CD58: variants seen among roughly 807,000 people sequenced by gnomAD.
The protein encoded by CD58 is lymphocyte function-associated antigen 3.
Under a neutral mutation model 27.6 loss-of-function variants are expected in CD58, and 14 were observed. The ratio of observed to expected loss-of-function variants is 0.51; its 90% CI spans 0.34 to 0.79. The LOEUF is 0.79. CD58 is among the 30% of genes least tolerant of loss of function. The pLI is 0.02. For synonymous variants in CD58, 117 were observed against 103.8 expected (o/e 1.13, Z -0.77); for missense variants, 268 against 301.7 (o/e 0.89, Z 0.83).
In CD58 at chr1:116,522,806, G is replaced by A. The variant is rs928560529; in HGVS notation, c.629-823C>T. Among the ~76,000 whole-genome samples, 1 of 152,128 alleles carries A rather than the reference G, an allele frequency of 6.6e-6. No homozygotes were observed. The highest frequency in any genetic ancestry group is 1.5e-5 in the Non-Finnish European group (1 of 68,014). ...GCAGAACTTGGCATTGTGTTTGGTA[G>A]GGCAATTCTGGCAGTTGTATATAAT... On this transcript the variant is annotated intron_variant, in intron 3 of 5. Transcript: ENST00000369489. The surrounding 1 kb of genome is among the most constrained non-coding windows in gnomAD (Gnocchi z 4.6).
chr1:116,554,655 G>C (rs1416550299), intron 1 of CD58, among the ~76,000 whole-genome samples: 1 of 152,046 alleles, frequency 6.6e-6, no homozygotes, highest in African/African-American at 2.4e-5. Flanking sequence ...AGTAACCACG[G>C]TTACTTTAGA....
In CD58 at chr1:116,516,043, TTTTAA is replaced by T. The variant is rs1343016460; in HGVS notation, c.744-1226_744-1222del. ...CCACCATATACAGAACCTTTTAACA[TTTTAA>T]TTTAACTTAATTTTTTTGATGCCCA... On this transcript the variant is annotated intron_variant, in intron 5 of 5. Coordinates refer to ENST00000369489, the MANE Select transcript of CD58 (RefSeq NM_001779.3). This position sits in a 1 kb window ranked among gnomAD's most constrained non-coding sequence, Gnocchi z 6.1. Among the ~76,000 whole-genome samples the T allele has an allele frequency of 4.6e-5, 7 of 152,206 alleles. No individual in the cohort carries two copies. The highest frequency in any genetic ancestry group is 1.7e-4 in the African/African-American group (7 of 41,450).
At position 116,570,863 on chromosome 1, in the gene CD58, C is replaced by A; in HGVS notation, c.70+40G>T. The stretch of plus-strand genomic sequence containing the variant: ...CCCAGCCTGGGTGCTGCCCAGTACC[C>A]GCCGGCCGGCGCGGGGCCCCTGGGG... On this transcript the variant is annotated intron_variant, in intron 1 of 5. Transcript: ENST00000369489. This position sits in a 1 kb window ranked among gnomAD's most constrained non-coding sequence, Gnocchi z 6.4. 6.6e-7 allele frequency: 1 copy of A among 1,509,914 alleles called. No individual in the cohort carries two copies. Among genetic ancestry groups the A allele is most frequent in the South Asian group, 1.2e-5 (1 of 82,454 alleles). The allele number at this position is 1,509,914 out of a possible 1,614,324, so 93.5% of individuals were successfully genotyped here. A position where few individuals can be genotyped will look rare whatever the true frequency, so the allele number is the denominator to read the frequency against.
At position 116,523,937 on chromosome 1, in the gene CD58, C is replaced by T. The variant is rs1046220202; in HGVS notation, c.629-1954G>A. The stretch of plus-strand genomic sequence containing the variant: ...TGAGTTTTTAAATTTGTTTTTAGTA[C>T]ATTATGAACGCATGAACTGAGCACA... On this transcript the variant is annotated intron_variant, in intron 3 of 5. Transcript: ENST00000369489. The surrounding 1 kb of genome is among the most constrained non-coding windows in gnomAD (Gnocchi z 4.4). Among the ~76,000 whole-genome samples, 1 of 152,158 alleles carries T rather than the reference C, an allele frequency of 6.6e-6. No individual in the cohort carries two copies. The highest frequency in any genetic ancestry group is 2.4e-5 in the African/African-American group (1 of 41,442).
intron 2 of CD58, among the ~76,000 whole-genome samples, chr1:116,542,340 C>G (rs1658018170): frequency 6.6e-6 from 1 of 152,112 alleles, no homozygotes; most frequent in South Asian, 2.1e-4. Context: ...GAAGACAGTA[C>G]TTGGAGGAGG....
chr1:116,564,076 C>A (rs1003653965), intron 1 of CD58, among the ~76,000 whole-genome samples: 1 of 152,222 alleles, frequency 6.6e-6, no homozygotes, highest in Non-Finnish European at 1.5e-5. Flanking sequence ...TAACAGCAAC[C>A]AAGCCACCTC....
In CD58 at chr1:116,541,205, G is replaced by T. The variant is rs551937696; in HGVS notation, c.364+3106C>A. ...TAGTTTTACAAACTCTATAAAAAGG[G>T]CTCTTAAAATGTGTGATCTAAATTC... On this transcript the variant is annotated intron_variant, in intron 2 of 5. Coordinates refer to ENST00000369489, the MANE Select transcript of CD58 (RefSeq NM_001779.3). This position sits in a 1 kb window ranked among gnomAD's most constrained non-coding sequence, Gnocchi z 5.3. 2.0e-5 allele frequency among the ~76,000 whole-genome samples: 3 copies of T among 152,152 alleles called. No individual in the cohort carries two copies. The highest frequency in any genetic ancestry group is 2.9e-5 in the Non-Finnish European group (2 of 68,016).
rs35768283 is a variant in CD58, at chr1:116,536,107, A to G, written c.486T>C (p.Pro162=). The G allele has an allele frequency of 0.027, 43,597 of 1,613,710 alleles. 1,731 individuals carry two copies. The highest frequency in any genetic ancestry group is 0.19 in the African/African-American group (14,333 of 74,904). Residue 162 remains proline (P), a synonymous_variant, in exon 3 of 6, where the codon CCT becomes CCC. Coordinates refer to ENST00000369489, the MANE Select transcript of CD58 (RefSeq NM_001779.3). This position sits in a 1 kb window ranked among gnomAD's most constrained non-coding sequence, Gnocchi z 5.4. ...TTGAGTTACGTTTACATTGCTCCAT[A>G]GGACAATCCCATGAGTACATTATAA... ...RGLIMYSWDC[P]MEQCKRNSTS...
At chr1:116,560,709 C>A (rs1483970528) in intron 1 of CD58, among the ~76,000 whole-genome samples, 1 of 152,146 alleles carries the variant, frequency 6.6e-6, no homozygotes, top group African/African-American at 2.4e-5. Context: ...TTCACTAGAA[C>A]CTATAAAGTA....
Position 116,528,402 on chromosome 1 carries a change from G to T in CD58, c.629-6419C>A, listed in dbSNP as rs991034504. ...GTTTTTTTGAGGCTCTACCTTCAGT[G>T]ACTTACTCCCTGCAGGTAACATAAT... On this transcript the variant is annotated intron_variant, in intron 3 of 5. Transcript: ENST00000369489. This position sits in a 1 kb window ranked among gnomAD's most constrained non-coding sequence, Gnocchi z 4.4. Among the ~76,000 whole-genome samples, 11 of 152,028 alleles carry T rather than the reference G, an allele frequency of 7.2e-5. No homozygotes were observed. Among genetic ancestry groups the T allele is most frequent in the African/African-American group, 2.7e-4 (11 of 41,406 alleles).
At chr1:116,543,056 T>A (rs747652499) in intron 2 of CD58, among the ~76,000 whole-genome samples, 2 of 152,050 alleles carry the variant, frequency 1.3e-5, no homozygotes, top group Non-Finnish European at 2.9e-5. Flanking sequence ...CAGGACTTTG[T>A]AGGGTGGTGT....
At position 116,559,823 on chromosome 1, in the gene CD58, AT is replaced by A. The variant is rs764793382; in HGVS notation, c.70+11079del. On this transcript the variant is annotated intron_variant, in intron 1 of 5. Coordinates refer to ENST00000369489, the MANE Select transcript of CD58 (RefSeq NM_001779.3). The surrounding 1 kb of genome is among the most constrained non-coding windows in gnomAD (Gnocchi z 4.4). The stretch of plus-strand genomic sequence containing the variant: ...TAATTCTTGTTCTTGCACTTAACCT[AT>A]TTCTTCTTTCTCAAGATGTTTCCCT... 3.4e-4 allele frequency among the ~76,000 whole-genome samples: 52 copies of A among 152,238 alleles called. No individual in the cohort carries two copies. The South Asian group carries it at 4.8e-3, about 14-fold the overall frequency.
chr1:116,526,520 GCT>G (rs1657440005), intron 3 of CD58, among the ~76,000 whole-genome samples: 3 of 152,092 alleles, frequency 2.0e-5, no homozygotes, highest in Non-Finnish European at 4.4e-5. Flanking sequence ...TTATTTCTGG[GCT>G]CTCTATTCCG....
chr1:116,558,695 G>A (rs1351913466), intron 1 of CD58, among the ~76,000 whole-genome samples: 1 of 152,240 alleles, frequency 6.6e-6, no homozygotes, highest in Non-Finnish European at 1.5e-5. Context: ...TCATACAGTT[G>A]TGACTCTTGC....
chr1:116,536,687 C>T lies in CD58; in HGVS notation c.365-459G>A, dbSNP rs1474651332. 6.6e-6 allele frequency among the ~76,000 whole-genome samples: 1 copy of T among 152,128 alleles called. No individual in the cohort carries two copies. Among genetic ancestry groups the T allele is most frequent in the Non-Finnish European group, 1.5e-5 (1 of 68,020 alleles). On this transcript the variant is annotated intron_variant, in intron 2 of 5. Coordinates refer to ENST00000369489, the MANE Select transcript of CD58 (RefSeq NM_001779.3). The surrounding 1 kb of genome is among the most constrained non-coding windows in gnomAD (Gnocchi z 5.4). ...ATGATTGTAAGTTTCCCGAGGCCTC[C>T]CCAGCCATGTGGAACTGTGAGTCAA...
rs1657098729 is a variant in CD58, at chr1:116,516,947, A to T, written c.744-2125T>A. On this transcript the variant is annotated intron_variant, in intron 5 of 5. Transcript: ENST00000369489. This position sits in a 1 kb window ranked among gnomAD's most constrained non-coding sequence, Gnocchi z 6.1. ...AGCCTCGCTGGGTACTCTGACCCCC[A>T]CCCTATCAGCTAGCACAGTGCCTGG... is the stretch of plus-strand genomic sequence containing the variant. Among the ~76,000 whole-genome samples the T allele has an allele frequency of 6.6e-6, 1 of 152,020 alleles. No individual in the cohort carries two copies. Among genetic ancestry groups the T allele is most frequent in the Non-Finnish European group, 1.5e-5 (1 of 68,016 alleles).
chr1:116,542,595 CATG>C (rs912411887), intron 2 of CD58, among the ~76,000 whole-genome samples: 2 of 152,098 alleles, frequency 1.3e-5, no homozygotes, highest in African/African-American at 4.8e-5. Context: ...GTACAGGGAT[CATG>C]AGAAAGTTTT....
At chr1:116,530,210 T>TC (rs1657553774) in intron 3 of CD58, among the ~76,000 whole-genome samples, 1 of 93,980 alleles carries the variant, frequency 1.1e-5, no homozygotes, top group Admixed American at 1.2e-4. Context: ...CTCCTCATTC[T>TC]TTTTTTTTTT....
At chr1:116,551,174 AAG>A (rs1462437878) in intron 1 of CD58, among the ~76,000 whole-genome samples, 1 of 152,198 alleles carries the variant, frequency 6.6e-6, no homozygotes, top group African/African-American at 2.4e-5. Context: ...CCCACACAAC[AAG>A]AGAGTCAGCT....
Sources: allele counts gnomAD v4.1 joint callset (sites outside exome capture counted in the v4.1 genomes callset), GRCh38; gene constraint gnomAD v4.1.1; non-coding constraint Gnocchi (gnomAD v3.1); transcripts MANE v1.5; gene names NCBI Gene and HGNC (gene_info 2026-07-23, HGNC 2026-07-21).